The following KSR2 variants were observed in gnomAD, a reference collection of about 807,000 sequenced individuals.
The protein encoded by KSR2 is kinase suppressor of ras 2.
KSR2 carries 25 observed loss-of-function variants against 107.8 expected under a neutral mutation model. The ratio of observed to expected loss-of-function variants is 0.23; its 90% CI spans 0.17 to 0.32. KSR2 has a LOEUF of 0.32. KSR2 is among the 10% of genes least tolerant of loss of function. The pLI, the probability that KSR2 is intolerant of heterozygous loss-of-function variation, is 1.00. For synonymous variants in KSR2, 480 were observed against 507.0 expected (o/e 0.95, Z 0.71); for missense variants, 887 against 1,268.9 (o/e 0.70, Z 4.57).
At chr12:117,630,782 A>C (rs1882766125) in intron 5 of KSR2, among the ~76,000 whole-genome samples, 1 of 152,144 alleles carries the variant, frequency 6.6e-6, no homozygotes, top group Non-Finnish European at 1.5e-5. Context: ...TGGATGAAAG[A>C]GATTGGGACC....
In KSR2 at chr12:117,525,011, C is replaced by T. The variant is rs1875023640; in HGVS notation, c.2060G>A (p.Gly687Asp). Residue 687 changes from glycine to aspartate, a missense_variant, in exon 14 of 20, where the codon GGC becomes GAC. Transcript: ENST00000339824. ...GTCAATCAGCCGGATGGCCACCTCG[C>T]CATGCCAGCGGCCGTGGTACACTTG... ...FGQVYHGRWH[G>D]EVAIRLIDIE... 1.2e-6 allele frequency: 2 copies of T among 1,613,836 alleles called. No homozygotes were observed. The highest frequency in any genetic ancestry group is 1.7e-6 in the Non-Finnish European group (2 of 1,179,880).
chr12:117,578,423 G>A (rs979960104), intron 7 of KSR2, among the ~76,000 whole-genome samples: 2 of 151,878 alleles, frequency 1.3e-5, no homozygotes, highest in Non-Finnish European at 1.5e-5. Context: ...GTAAATCCCA[G>A]TCTCTACTAA....
chr12:117,546,695 A>G (rs76698946), intron 9 of KSR2, among the ~76,000 whole-genome samples: 1 of 152,084 alleles, frequency 6.6e-6, no homozygotes, highest in African/African-American at 2.4e-5. Context: ...TGTAATTTCT[A>G]TCATTCTATC....
In KSR2 at chr12:117,541,247, C is replaced by T. The variant is rs113170998; in HGVS notation, c.1519-1360G>A. On this transcript the variant is annotated intron_variant, in intron 9 of 19. Coordinates refer to ENST00000339824, the MANE Select transcript of KSR2 (RefSeq NM_173598.6). ...GAGGCATGGGAGGCAGGGAGGCAGG[C>T]AGGGGGGAACAGTAGCTGATGTGGA... Among the ~76,000 whole-genome samples, 12 of 134,158 alleles carry T rather than the reference C, an allele frequency of 8.9e-5. No individual in the cohort carries two copies. The South Asian group carries it at 1.7e-3, about 19-fold the overall frequency. The allele number at this position is 134,158 out of a possible 152,430, so 88.0% of individuals were successfully genotyped here.
chr12:117,563,643 G>C (rs1358361660), intron 7 of KSR2, among the ~76,000 whole-genome samples: 1 of 152,176 alleles, frequency 6.6e-6, no homozygotes, highest in Non-Finnish European at 1.5e-5. Flanking sequence ...TTGCTAGTTT[G>C]TGCAGCAGCT....
intron 5 of KSR2, among the ~76,000 whole-genome samples, chr12:117,617,777 G>A (rs12226943): frequency 0.054 from 8,218 of 152,214 alleles, 615 homozygotes; most frequent in African/African-American, 0.17. Context: ...ATTTATAAAC[G>A]TGTATGCACG....
At chr12:117,639,240 A>G (rs1009239628) in intron 5 of KSR2, among the ~76,000 whole-genome samples, 4 of 152,086 alleles carry the variant, frequency 2.6e-5, no homozygotes, top group Admixed American at 6.5e-5. Context: ...TAAAGTATAC[A>G]TATTAATAGA....
chr12:117,588,791 C>T (rs2136261728), intron 5 of KSR2, among the ~76,000 whole-genome samples: 1 of 152,304 alleles, frequency 6.6e-6, no homozygotes, highest in South Asian at 2.1e-4. Context: ...CAAGTGACAA[C>T]CCCATGAGCT....
chr12:117,866,585 G>T (rs112587304), intron 1 of KSR2, among the ~76,000 whole-genome samples: 3 of 151,930 alleles, frequency 2.0e-5, no homozygotes, highest in Non-Finnish European at 4.4e-5. Flanking sequence ...ATCCCAGCAC[G>T]CTGGGAGGCC....
chr12:117,595,688 C>A (rs988084184), intron 5 of KSR2, among the ~76,000 whole-genome samples: 1 of 152,152 alleles, frequency 6.6e-6, no homozygotes, highest in Non-Finnish European at 1.5e-5. Context: ...CTAATGTGAC[C>A]ATTTAAAAGC....
intron 3 of KSR2, among the ~76,000 whole-genome samples, chr12:117,818,318 G>T (rs1288634173): frequency 6.6e-6 from 1 of 152,132 alleles, no homozygotes; most frequent in African/African-American, 2.4e-5. Context: ...GAGACAGTAT[G>T]TGCTCAGAGG....
chr12:117,614,747 T>C (rs957904480), intron 5 of KSR2, among the ~76,000 whole-genome samples: 7 of 152,220 alleles, frequency 4.6e-5, no homozygotes, highest in Non-Finnish European at 1.0e-4. Context: ...TTTACGCCTG[T>C]GAAATAATTT....
At chr12:117,522,824 C>G (rs930439264) in intron 14 of KSR2, among the ~76,000 whole-genome samples, 1 of 152,132 alleles carries the variant, frequency 6.6e-6, no homozygotes, top group African/African-American at 2.4e-5. Context: ...ACTGACTATC[C>G]CCTTGTTGAC....
intron 7 of KSR2, among the ~76,000 whole-genome samples, chr12:117,575,715 A>AG (rs1232202767): frequency 6.6e-6 from 1 of 152,230 alleles, no homozygotes; most frequent in Non-Finnish European, 1.5e-5. Context: ...GAAGCATGTC[A>AG]GATCTTCATG....
intron 9 of KSR2, among the ~76,000 whole-genome samples, chr12:117,541,871 A>G (rs951351172): frequency 1.3e-5 from 2 of 151,504 alleles, no homozygotes; most frequent in Non-Finnish European, 2.9e-5. Context: ...CCTTTCTTTA[A>G]ATTTTATTTT....
intron 4 of KSR2, among the ~76,000 whole-genome samples, chr12:117,724,578 G>C (rs1565980335): frequency 7.0e-5 from 4 of 57,366 alleles, no homozygotes; most frequent in African/African-American, 1.9e-4. Context: ...AAAAAAACCT[G>C]CCCCCCCACC....
intron 7 of KSR2, among the ~76,000 whole-genome samples, chr12:117,559,520 T>C (rs1387301001): frequency 6.6e-6 from 1 of 152,206 alleles, no homozygotes; most frequent in African/African-American, 2.4e-5. Context: ...ATTAACTGAC[T>C]TGCCCTGACA....
intron 3 of KSR2, among the ~76,000 whole-genome samples, chr12:117,826,903 T>C (rs1891775436): frequency 1.3e-5 from 2 of 151,838 alleles, no homozygotes; most frequent in Admixed American, 1.3e-4. Flanking sequence ...CTGGGTAACA[T>C]GGTGAACCCC....
chr12:117,475,626 G>C (rs2137122335), intron 17 of KSR2, among the ~76,000 whole-genome samples: 1 of 152,276 alleles, frequency 6.6e-6, no homozygotes, highest in East Asian at 1.9e-4. Context: ...GCTAAAGTTG[G>C]ATGTTTCCTT....
Sources: gnomAD v4.1 joint callset for allele counts (sites outside exome capture counted in the v4.1 genomes callset) on GRCh38, gnomAD v4.1.1 for gene constraint, MANE v1.5 for transcripts, NCBI Gene and HGNC (gene_info 2026-07-23, HGNC 2026-07-21) for gene names.